The following GGTA1 variants were observed in gnomAD, a reference collection of about 807,000 sequenced individuals.
The protein encoded by GGTA1 is inactive N-acetyllactosaminide alpha-1,3-galactosyltransferase.
A neutral mutation model predicts 2.6 loss-of-function variants in GGTA1; 5 were observed. The observed-to-expected ratio is 1.92, with a 90% CI of 1.00 to 4.04. GGTA1 has a LOEUF of 4.04. Among genes scored for constraint, GGTA1 ranks in the 30% most tolerant of loss-of-function variants. The pLI, the probability that GGTA1 is intolerant of heterozygous loss-of-function variation, is 0.00. For synonymous variants in GGTA1, 17 were observed against 5.0 expected, an observed-to-expected ratio of 3.38 and a Z score of -3.19; for missense variants, 50 against 16.7, an observed-to-expected ratio of 2.99 and a Z score of -3.47.
downstream of GGTA1, among the ~76,000 whole-genome samples, chr9:121,450,112 CTTTA>C (rs1365540582): frequency 1.3e-5 from 2 of 152,100 alleles, no homozygotes; most frequent in Admixed American, 1.3e-4. Flanking sequence ...CTTGGATTCC[CTTTA>C]TTTGTTACCA....
chr9:121,487,797 C>T (rs941210811), intron 1 of GGTA1, among the ~76,000 whole-genome samples: 1 of 151,130 alleles, frequency 6.6e-6, no homozygotes, highest in Non-Finnish European at 1.5e-5. Flanking sequence ...CTCACTACAA[C>T]CTCCACATCC....
chr9:121,479,340 G>A (rs1828584740), intron 1 of GGTA1: 2 of 352,670 alleles, frequency 5.7e-6, no homozygotes, highest in Admixed American at 3.9e-5. Flanking sequence ...AACTCCTGTC[G>A]AAAGAATAAA....
chr9:121,451,684 C>T (rs4837853), downstream of GGTA1, among the ~76,000 whole-genome samples: 75,731 of 151,986 alleles, frequency 0.5, 19,354 homozygotes, highest in South Asian at 0.68. Context: ...TGTGTTCCAG[C>T]GTGGAAAGCC....
chr9:121,466,895 G>A (rs1202545003), intron 2 of GGTA1, among the ~76,000 whole-genome samples: 1 of 150,846 alleles, frequency 6.6e-6, no homozygotes, highest in Non-Finnish European at 1.5e-5. Context: ...AGATGTTGCA[G>A]TGAGTCGAGA....
chr9:121,483,273 C>T (rs920041419), intron 1 of GGTA1, among the ~76,000 whole-genome samples: 7 of 152,156 alleles, frequency 4.6e-5, no homozygotes, highest in Admixed American at 4.6e-4. Context: ...GACCTCTTTT[C>T]GTTGGAGCCA....
At chr9:121,492,809 T>G (rs1367432328) in intron 1 of GGTA1, among the ~76,000 whole-genome samples, 1 of 151,774 alleles carries the variant, frequency 6.6e-6, no homozygotes, top group African/African-American at 2.4e-5. Context: ...CCCCTGAAGA[T>G]GAGAGCACTG....
chr9:121,446,217 C>T (rs2064851661), exon 8 of GGTA1: 1 of 152,282 alleles, frequency 6.6e-6, no homozygotes, highest in East Asian at 1.9e-4. Flanking sequence ...TCCTCTCTTC[C>T]ACTCTCTCTT....
chr9:121,459,777 A>C (rs1250962383), intron 5 of GGTA1, among the ~76,000 whole-genome samples: 5 of 152,118 alleles, frequency 3.3e-5, no homozygotes, highest in African/African-American at 1.2e-4. Context: ...CCTCCTACCA[A>C]TCTAGGCAAA....
chr9:121,490,118 G>A (rs1485596080), intron 1 of GGTA1, among the ~76,000 whole-genome samples: 1 of 152,098 alleles, frequency 6.6e-6, no homozygotes, highest in Non-Finnish European at 1.5e-5. Flanking sequence ...ATTTTCTTGC[G>A]TTGGTTCTCT....
intron 5 of GGTA1, among the ~76,000 whole-genome samples, chr9:121,456,632 T>A (rs2064913531): frequency 6.6e-6 from 1 of 152,062 alleles, no homozygotes; most frequent in Admixed American, 6.6e-5. Flanking sequence ...GTCAGGCTGG[T>A]CTCGAACTCC....
intron 1 of GGTA1, among the ~76,000 whole-genome samples, chr9:121,498,894 GTTT>G (rs142008912): frequency 7.0e-6 from 1 of 142,912 alleles, no homozygotes; most frequent in Non-Finnish European, 1.5e-5. Flanking sequence ...TCTTTTTACT[GTTT>G]TTTTTTTTTT....
chr9:121,474,054 G>T (rs550838942), intron 1 of GGTA1, among the ~76,000 whole-genome samples: 11 of 152,124 alleles, frequency 7.2e-5, no homozygotes, highest in Admixed American at 1.3e-4. Context: ...GAAAAGAAAA[G>T]AAAGTTCTAA....
chr9:121,468,201 G>T (rs958468405), intron 1 of GGTA1, among the ~76,000 whole-genome samples: 1 of 152,078 alleles, frequency 6.6e-6, no homozygotes, highest in East Asian at 1.9e-4. Flanking sequence ...CCCGGTGTGC[G>T]ATGTTCCCCT....
chr9:121,473,952 AGAGAGAGGGAGGGAGGGAGG>A, intron 1 of GGTA1, among the ~76,000 whole-genome samples: 1 of 135,834 alleles, frequency 7.4e-6, no homozygotes, highest in Non-Finnish European at 1.6e-5. Flanking sequence ...AGAGAGAGAG[AGAGAGAGGGAGGGAGGGAGG>A]GAGAGAGAGA....
intron 1 of GGTA1, among the ~76,000 whole-genome samples, chr9:121,469,937 C>T (rs771399415): frequency 6.6e-6 from 1 of 152,206 alleles, no homozygotes; most frequent in Non-Finnish European, 1.5e-5. Context: ...AAACTGTTCA[C>T]CCTGCACTGT....
At chr9:121,496,066 T>C (rs935321365) in intron 1 of GGTA1, among the ~76,000 whole-genome samples, 7 of 152,232 alleles carry the variant, frequency 4.6e-5, no homozygotes, top group Admixed American at 4.6e-4. Context: ...ACCTGTTATG[T>C]GATTTTCCTT....
chr9:121,474,937 G>T (rs903669736), intron 1 of GGTA1, among the ~76,000 whole-genome samples: 1 of 152,086 alleles, frequency 6.6e-6, no homozygotes, highest in African/African-American at 2.4e-5. Flanking sequence ...TATTGTGATG[G>T]GTCCAGACTG....
At chr9:121,480,031 T>TTTTC in intron 1 of GGTA1, among the ~76,000 whole-genome samples, 1 of 149,144 alleles carries the variant, frequency 6.7e-6, no homozygotes, top group Non-Finnish European at 1.5e-5. Flanking sequence ...GGGCAGTGGA[T>TTTTC]TTTCTTTCTT....
intron 5 of GGTA1, 27 bp downstream of exon 5, chr9:121,460,077 C>T: frequency 2.2e-6 from 1 of 456,444 alleles, no homozygotes; most frequent in Non-Finnish European, 4.4e-6. Flanking sequence ...GGATTTGCTG[C>T]ACAGGGAGTG....
Sources: allele counts gnomAD v4.1 joint callset (sites outside exome capture counted in the v4.1 genomes callset), GRCh38; gene constraint gnomAD v4.1.1; transcripts MANE v1.5; gene names NCBI Gene and HGNC (gene_info 2026-07-23, HGNC 2026-07-21).